Variants in GSTA5 observed in about 807,000 individuals in gnomAD.
The protein encoded by GSTA5 is glutathione S-transferase A5.
Under a neutral mutation model 21.8 loss-of-function variants are expected in GSTA5, and 25 were observed. The ratio of observed to expected loss-of-function variants is 1.14; its 90% CI spans 0.83 to 1.60. The LOEUF (loss-of-function observed/expected upper bound fraction) is 1.60, where lower values mean the gene tolerates loss of function less well. Ranked by LOEUF, GSTA5 falls within the 40% of genes most tolerant of loss-of-function variation. The pLI, the probability that GSTA5 is intolerant of heterozygous loss-of-function variation, is 0.00. For synonymous variants in GSTA5, 102 were observed against 89.5 expected (o/e 1.14, Z -0.78); for missense variants, 330 against 259.2 (o/e 1.27, Z -1.88).
At chr6:52,845,152 T>A (rs1173525634), upstream of GSTA5, among the ~76,000 whole-genome samples, 1 of 152,132 alleles carries the variant, frequency 6.6e-6, no homozygotes, top group Non-Finnish European at 1.5e-5. Context: ...TTAGCTTCTG[T>A]ACAGAGGTTA....
At chr6:52,832,937 A>C in exon 5 of GSTA5, 1 of 1,614,156 alleles carries the variant, frequency 6.2e-7, no homozygotes, top group Non-Finnish European at 8.5e-7. Flanking sequence ...GGTGAATGTC[A>C]GCCCAGCTCA....
upstream of GSTA5, among the ~76,000 whole-genome samples, chr6:52,843,456 G>C (rs1764411275): frequency 6.6e-6 from 1 of 152,206 alleles, no homozygotes; most frequent in Admixed American, 6.5e-5. Context: ...ACTGGCATGA[G>C]ATGGTATCTC....
intron 1 of GSTA5, among the ~76,000 whole-genome samples, chr6:52,837,935 C>G (rs1764316173): frequency 6.6e-6 from 1 of 152,232 alleles, no homozygotes; most frequent in Admixed American, 6.5e-5. Flanking sequence ...GTTGTCATAT[C>G]TTAGTAAAGC....
At chr6:52,835,475 T>C (rs1466712640) in intron 3 of GSTA5, among the ~76,000 whole-genome samples, 1 of 152,158 alleles carries the variant, frequency 6.6e-6, no homozygotes, top group Non-Finnish European at 1.5e-5. Flanking sequence ...TTATTTGCAT[T>C]GTTCATTTCT....
intron 2 of GSTA5, 69 bp from the exon 3 acceptor site, chr6:52,836,437 G>C: frequency 5.4e-6 from 8 of 1,484,294 alleles, no homozygotes; most frequent in Non-Finnish European, 7.3e-6. Flanking sequence ...TGAAAAAAAT[G>C]GTTATGGAAA....
At chr6:52,838,375 G>A (rs1764321844) in intron 1 of GSTA5, among the ~76,000 whole-genome samples, 1 of 152,214 alleles carries the variant, frequency 6.6e-6, no homozygotes, top group South Asian at 2.1e-4. Flanking sequence ...CTATGGTATA[G>A]GCTGATATCA....
upstream of GSTA5, among the ~76,000 whole-genome samples, chr6:52,842,324 A>C (rs545243893): frequency 7.2e-5 from 11 of 152,284 alleles, no homozygotes; most frequent in East Asian, 2.1e-3. Context: ...TCTGTGATTA[A>C]ACATTAAGAT....
chr6:52,845,139 T>G (rs1764436218), upstream of GSTA5, among the ~76,000 whole-genome samples: 1 of 152,144 alleles, frequency 6.6e-6, no homozygotes, highest in Non-Finnish European at 1.5e-5. Flanking sequence ...CTCTCTTTCC[T>G]TTTTAGCTTC....
exon 5 of GSTA5, chr6:52,832,966 A>T (rs763601578): frequency 6.2e-7 from 1 of 1,614,014 alleles, no homozygotes; most frequent in Non-Finnish European, 8.5e-7. Flanking sequence ...CCAACAAGGT[A>T]GTCTTGTCTG....
chr6:52,834,015 A>C, intron 4 of GSTA5, 126 bp downstream of exon 4: 1 of 973,772 alleles, frequency 1.0e-6, no homozygotes, highest in South Asian at 1.4e-5. Context: ...TGAGAGTCAG[A>C]GTGCTGCCTT....
At chr6:52,834,367 A>G in intron 3 of GSTA5, 85 bp from the exon 4 acceptor site, 1 of 1,367,054 alleles carries the variant, frequency 7.3e-7, no homozygotes. Context: ...ATAGAGGGTC[A>G]GATGGTGGCA....
the GSTA5 span, chr6:52,846,078 T>C: frequency 1.3e-5 from 2 of 159,076 alleles, no homozygotes; most frequent in African/African-American, 2.4e-5. Context: ...ACTCTGTCAC[T>C]GTCGTGGCTG....
rs147886318 is a variant in GSTA5, at chr6:52,832,941, C to A, written c.464G>T (p.Trp155Leu). 16 of 1,614,150 alleles carry A rather than the reference C, an allele frequency of 9.9e-6. No homozygotes were observed. In the East Asian group the frequency reaches 1.8e-4, roughly 18 times the overall value. ...AAGTTCCACCAGGTGAATGTCAGCC[C>A]AGCTCAGCTTGTTGCCAACAAGGTA... The change falls in exon 5 of 6, where the codon TGG (tryptophan) becomes TTG (leucine). Residue 155 changes from tryptophan (W) to leucine (L), a missense_variant. By Grantham distance (61) the Trp-to-Leu change is moderately conservative (BLOSUM62 -2). Coordinates refer to ENST00000370989, the Ensembl canonical transcript of GSTA5.
At chr6:52,840,116 T>A (rs1298182077) in intron 1 of GSTA5, among the ~76,000 whole-genome samples, 2 of 152,260 alleles carry the variant, frequency 1.3e-5, no homozygotes, top group African/African-American at 2.4e-5. Context: ...CAGCCATTTT[T>A]AAATATTACG....
intron 4 of GSTA5, 35 bp downstream of exon 4, chr6:52,834,106 C>G (rs1764257086): frequency 6.2e-7 from 1 of 1,613,540 alleles, no homozygotes; most frequent in African/African-American, 1.3e-5. Flanking sequence ...GGTGTCTAAA[C>G]TCAGTTCCCC....
chr6:52,843,399 C>T (rs187527526), upstream of GSTA5, among the ~76,000 whole-genome samples: 1 of 152,198 alleles, frequency 6.6e-6, no homozygotes, highest in Non-Finnish European at 1.5e-5. Context: ...TTCTCCACAT[C>T]CTCTCCAGCA....
At chr6:52,843,812 A>C (rs192748725), upstream of GSTA5, among the ~76,000 whole-genome samples, 2 of 152,322 alleles carry the variant, frequency 1.3e-5, no homozygotes, top group African/African-American at 4.8e-5. Context: ...CAATCCCCAC[A>C]CTAAGCTCCC....
chr6:52,832,805 A>G (rs1025529392), intron 5 of GSTA5, 54 bp downstream of exon 5: 1 of 1,611,190 alleles, frequency 6.2e-7, no homozygotes, highest in African/African-American at 1.3e-5. Context: ...CCCAGATATG[A>G]GATCCCAATA....
At chr6:52,840,844 CTGAA>C (rs543119621), upstream of GSTA5, 96 of 1,557,672 alleles carry the variant, frequency 6.2e-5, no homozygotes, top group South Asian at 2.1e-4. Flanking sequence ...TTCTCTAAGC[CTGAA>C]TGAATGAATG....
Sources: allele counts gnomAD v4.1 joint callset (sites outside exome capture counted in the v4.1 genomes callset), GRCh38; gene constraint gnomAD v4.1.1; transcripts MANE v1.5; gene names NCBI Gene and HGNC (gene_info 2026-07-23, HGNC 2026-07-21).